The following GFRA2 variants were observed in gnomAD, a reference collection of about 807,000 sequenced individuals.
The protein encoded by GFRA2 is GDNF family receptor alpha-2.
A neutral mutation model predicts 48.3 loss-of-function variants in GFRA2; 17 were observed. The observed-to-expected ratio is 0.35, with a 90% CI of 0.24 to 0.53. GFRA2 has a LOEUF of 0.53. Among genes scored for constraint, GFRA2 ranks in the 20% least tolerant of loss-of-function variants. The pLI, the probability that GFRA2 is intolerant of heterozygous loss-of-function variation, is 0.93. For synonymous variants in GFRA2, 305 were observed against 257.2 expected (o/e 1.19, Z -1.78); for missense variants, 660 against 637.3 (o/e 1.04, Z -0.38).
At chr8:21,810,694 C>G (rs1807961366) in intron 1 of GFRA2, among the ~76,000 whole-genome samples, 1 of 152,084 alleles carries the variant, frequency 6.6e-6, no homozygotes, top group South Asian at 2.1e-4. Flanking sequence ...GTAGAGATGT[C>G]AGGTACAGAG....
chr8:21,771,099 G>A (rs1261133965), intron 3 of GFRA2, among the ~76,000 whole-genome samples: 1 of 152,100 alleles, frequency 6.6e-6, no homozygotes, highest in African/African-American at 2.4e-5. Flanking sequence ...TGCGCCGTGG[G>A]CACTGTGCCA....
chr8:21,738,817 C>T (rs540527307), intron 4 of GFRA2, among the ~76,000 whole-genome samples: 8 of 152,304 alleles, frequency 5.3e-5, no homozygotes, highest in East Asian at 1.9e-4. Flanking sequence ...AGCCTGTGGG[C>T]GCCTTAGGGA....
chr8:21,760,168 A>AG (rs968740660), intron 3 of GFRA2, among the ~76,000 whole-genome samples: 25 of 152,214 alleles, frequency 1.6e-4, no homozygotes, highest in African/African-American at 5.8e-4. Context: ...AGGGACAGTC[A>AG]GGGGAGACCT....
chr8:21,793,866 G>GTTTTTT (rs770753159), upstream of GFRA2, among the ~76,000 whole-genome samples: 2 of 135,334 alleles, frequency 1.5e-5, no homozygotes. Flanking sequence ...GAGAATCAAA[G>GTTTTTT]TTTTTTTTTT....
rs1241884119 is a variant in GFRA2, at chr8:21,780,358, G to A, written c.355+2227C>T. Among the ~76,000 whole-genome samples, 5 of 152,216 alleles carry A rather than the reference G, an allele frequency of 3.3e-5. No homozygotes were observed. The South Asian group carries it at 6.2e-4, about 19-fold the overall frequency. On this transcript the variant is annotated intron_variant, in intron 2 of 8. Coordinates refer to ENST00000524240, the MANE Select transcript of GFRA2 (RefSeq NM_001495.5). ...TTACCCTAAGGCATCTGACCCTGTT[G>A]AGGGTCCTCTCCTCTGGGATGAACC...
chr8:21,703,023 C>T (rs1485396951), intron 6 of GFRA2, 46 bp from the exon 7 acceptor site: 2 of 1,243,586 alleles, frequency 1.6e-6, no homozygotes, highest in African/African-American at 3.1e-5. Context: ...GAACCCACGT[C>T]CGTCACTCCT....
intron 3 of GFRA2, among the ~76,000 whole-genome samples, chr8:21,766,052 C>G (rs36176520): frequency 0.017 from 2,567 of 152,192 alleles, 36 homozygotes; most frequent in East Asian, 0.035. Context: ...TCATACTGTG[C>G]TAGTCAACCG....
intron 7 of GFRA2, among the ~76,000 whole-genome samples, chr8:21,699,174 T>C (rs1802351010): frequency 6.6e-6 from 1 of 152,212 alleles, no homozygotes; most frequent in African/African-American, 2.4e-5. Context: ...GAATTTCTGT[T>C]GAGTCAATGA....
At chr8:21,744,633 C>A (rs542631637) in intron 4 of GFRA2, among the ~76,000 whole-genome samples, 12 of 151,296 alleles carry the variant, frequency 7.9e-5, no homozygotes, top group Non-Finnish European at 1.3e-4. Context: ...AGGGTAAAAA[C>A]CGAAAGACTG....
chr8:21,806,197 C>T (rs528079676), intron 1 of GFRA2, among the ~76,000 whole-genome samples: 1 of 152,342 alleles, frequency 6.6e-6, no homozygotes, highest in East Asian at 1.9e-4. Context: ...CGGAGGGTCT[C>T]AAACTTCTGA....
chr8:21,782,691 C>A lies in GFRA2; in HGVS notation c.249G>T (p.Glu83Asp). 7 of 1,592,162 alleles carry A rather than the reference C, an allele frequency of 4.4e-6. No individual in the cohort carries two copies. In the South Asian group the frequency reaches 8.0e-5, roughly 18 times the overall value. ...CGTACAGCGGGCTCTCCTGCAAGAC[C>A]TCCAAGGCCGCCTGGCACTCCTTGT... ...LANKECQAALEVLQESPLYDC... is the reference protein window; with the variant it reads ...LANKECQAALDVLQESPLYDC... Residue 83 changes from glutamate (E) to aspartate (D), a missense_variant, in exon 2 of 9, where the codon GAG (glutamate) becomes GAT (aspartate). Physicochemically the swap from Glu to Asp is conservative, Grantham distance 45. Coordinates refer to ENST00000524240, the MANE Select transcript of GFRA2 (RefSeq NM_001495.5).
intron 4 of GFRA2, among the ~76,000 whole-genome samples, chr8:21,707,601 G>A (rs1802813956): frequency 6.6e-6 from 1 of 152,188 alleles, no homozygotes; most frequent in African/African-American, 2.4e-5. Context: ...AGAAGGCCAT[G>A]GGTACCAAAC....
intron 3 of GFRA2, among the ~76,000 whole-genome samples, chr8:21,761,457 T>G (rs1805908081): frequency 2.0e-5 from 3 of 152,206 alleles, no homozygotes; most frequent in Non-Finnish European, 4.4e-5. Flanking sequence ...ACGGAGGACC[T>G]GGCTGGGCCA....
At chr8:21,810,243 T>TA (rs1268187138) in intron 1 of GFRA2, among the ~76,000 whole-genome samples, 1 of 152,166 alleles carries the variant, frequency 6.6e-6, no homozygotes, top group African/African-American at 2.4e-5. Context: ...TGCCCCCAGA[T>TA]ACCATCCACA....
Position 21,788,819 on chromosome 8 carries a change from CTCTCTCTCT to C in GFRA2, c.-669_-661del. On this transcript the variant is annotated 5_prime_UTR_variant, in exon 1 of 9. Coordinates refer to ENST00000524240, the MANE Select transcript of GFRA2 (RefSeq NM_001495.5). ...CTGCGTGCGTGTGTCTTTCTCTCTCCTCTCTCTCTCTCTCCTCTCCCTCGCTCGCTCTTT... is the reference window on the plus strand; with the variant it reads ...CTGCGTGCGTGTGTCTTTCTCTCTCCCTCTCCTCTCCCTCGCTCGCTCTTT... 2.2e-6 allele frequency: 2 copies of C among 889,456 alleles called. No homozygotes were observed. Among genetic ancestry groups the C allele is most frequent in the Non-Finnish European group, 2.7e-6 (2 of 742,918 alleles). The allele number at this position is 889,456 out of a possible 1,614,324, so 55.1% of individuals were successfully genotyped here.
intron 1 of GFRA2, among the ~76,000 whole-genome samples, chr8:21,786,851 C>T (rs1807296474): frequency 6.6e-6 from 1 of 152,182 alleles, no homozygotes; most frequent in Non-Finnish European, 1.5e-5. Flanking sequence ...CCACTCGTGG[C>T]CTTCCCAGAT....
chr8:21,716,343 T>TATTTAGG (rs1345612979), intron 4 of GFRA2, among the ~76,000 whole-genome samples: 1 of 150,912 alleles, frequency 6.6e-6, no homozygotes, highest in Non-Finnish European at 1.5e-5. Context: ...TCTTGACTAC[T>TATTTAGG]ATTTAGGTCA....
At chr8:21,733,685 A>T (rs1238689608) in intron 4 of GFRA2, among the ~76,000 whole-genome samples, 1 of 152,282 alleles carries the variant, frequency 6.6e-6, no homozygotes, top group South Asian at 2.1e-4. Flanking sequence ...TATCTACAGT[A>T]TTGTTTTCAG....
intron 3 of GFRA2, among the ~76,000 whole-genome samples, chr8:21,752,689 C>T (rs771566568): frequency 6.6e-6 from 1 of 152,138 alleles, no homozygotes; most frequent in East Asian, 1.9e-4. Flanking sequence ...AAGCCTAATA[C>T]CCAAATCTCA....
Sources: allele counts gnomAD v4.1 joint callset (sites outside exome capture counted in the v4.1 genomes callset), GRCh38; gene constraint gnomAD v4.1.1; transcripts MANE v1.5; gene names NCBI Gene and HGNC (gene_info 2026-07-23, HGNC 2026-07-21).